MED23: variants seen among roughly 807,000 people sequenced by gnomAD.
The protein encoded by MED23 is mediator complex subunit 23.
Under a neutral mutation model 163.9 loss-of-function variants are expected in MED23, and 105 were observed. The ratio of observed to expected loss-of-function variants is 0.64; its 90% CI spans 0.55 to 0.75. The LOEUF (loss-of-function observed/expected upper bound fraction) is 0.75, where lower values mean the gene tolerates loss of function less well. MED23 is among the 30% of genes least tolerant of loss of function. MED23 has a pLI of 0.00. For synonymous variants in MED23, 561 were observed against 565.6 expected (o/e 0.99, Z 0.12); for missense variants, 1,054 against 1,649.0 (o/e 0.64, Z 6.25).
At chr6:131,623,174 T>C (rs1777233493) in intron 5 of MED23, among the ~76,000 whole-genome samples, 177 bp downstream of exon 5, 2 of 151,966 alleles carry the variant, frequency 1.3e-5, no homozygotes, top group South Asian at 4.2e-4. Flanking sequence ...GGGAGGGGAG[T>C]AGCGGAGCCA....
intron 14 of MED23, among the ~76,000 whole-genome samples, 199 bp from the exon 15 acceptor site, chr6:131,604,519 G>A (rs552158401): frequency 3.3e-5 from 5 of 152,224 alleles, no homozygotes; most frequent in African/African-American, 4.8e-5. Context: ...TTTCTGTGGC[G>A]CTTTCAATAT....
At chr6:131,602,086 G>T in intron 17 of MED23, 132 bp downstream of exon 17, 1 of 959,776 alleles carries the variant, frequency 1.0e-6, no homozygotes. Flanking sequence ...AAATAGTGAA[G>T]ATATCAAAAC....
Position 131,587,815 on chromosome 6 carries a change from G to C in MED23, c.3971C>G (p.Ala1324Gly), listed in dbSNP as rs1774281628. Residue 1324 changes from alanine to glycine, a missense_variant, in exon 29 of 29, where the codon GCT becomes GGT. Physicochemically the swap from Ala to Gly is moderately conservative, Grantham distance 60. This residue lies in a region of MED23 where 362 missense variants were observed against 471.6 expected (regional missense o/e 0.77). Coordinates refer to ENST00000368068, the MANE Select transcript of MED23 (RefSeq NM_004830.4). Reference protein sequence around the residue: ...VEKIICNLKPALKLRLRFITH... With the variant: ...VEKIICNLKPGLKLRLRFITH... ...GATGAATCGAAGACGAAGTTTTAAA[G>C]CTGGTTTTAAGTTACAGATAATCTT... 1.2e-6 allele frequency: 2 copies of C among 1,613,884 alleles called. No homozygotes were observed. Among genetic ancestry groups the C allele is most frequent in the Non-Finnish European group, 1.7e-6 (2 of 1,179,840 alleles).
At chr6:131,609,953 G>C in intron 11 of MED23, 93 bp downstream of exon 11, 1 of 1,225,102 alleles carries the variant, frequency 8.2e-7, no homozygotes, top group Non-Finnish European at 1.2e-6. Flanking sequence ...CAGAACTTCT[G>C]TCAGTTCTAA....
chr6:131,593,163 C>T lies in MED23; in HGVS notation c.3241G>A (p.Gly1081Ser). The T allele has an allele frequency of 6.2e-7, 1 of 1,614,144 alleles. No homozygotes were observed. Among genetic ancestry groups the T allele is most frequent in the Non-Finnish European group, 8.5e-7 (1 of 1,180,004 alleles). The change falls in exon 24 of 29, where the codon GGC becomes AGC. Residue 1081 changes from glycine (G) to serine (S), a missense_variant. This residue lies in a region of MED23 where 362 missense variants were observed against 471.6 expected (regional missense o/e 0.77). Coordinates refer to ENST00000368068, the MANE Select transcript of MED23 (RefSeq NM_004830.4). Reference protein sequence around the residue: ...LIGRLVDTMAGKSPGPFPNCD... With the variant: ...LIGRLVDTMASKSPGPFPNCD... ...TTTGGAAAGGGACCAGGAGATTTGC[C>T]AGCCATCGGTGCACACAGTTAAAGC...
rs149250652 is a variant in MED23, at chr6:131,613,195, C to A, written c.876+2712G>T. On this transcript the variant is annotated intron_variant, in intron 10 of 28. Transcript: ENST00000368068. The stretch of plus-strand genomic sequence containing the variant: ...TAGTAGCCAGGGTTCACACACCACA[C>A]TATGTAAGAGCTTGAGGAGTGTATC... 1.5e-3 allele frequency among the ~76,000 whole-genome samples: 235 copies of A among 152,206 alleles called. 4 individuals are homozygous for A. The highest frequency in any genetic ancestry group is 2.9e-4 in the Non-Finnish European group (20 of 67,958).
intron 9 of MED23, among the ~76,000 whole-genome samples, chr6:131,616,804 G>C (rs1168292229): frequency 2.6e-5 from 4 of 152,190 alleles, no homozygotes; most frequent in African/African-American, 4.8e-5. Context: ...CTGGGTGACA[G>C]AGTGAGAGCC....
chr6:131,627,914 G>C, intron 1 of MED23, 97 bp downstream of exon 1: 2 of 1,468,480 alleles, frequency 1.4e-6, no homozygotes, highest in Admixed American at 1.7e-5. Flanking sequence ...AAAGGGAGGC[G>C]TGAGAGGAGG....
intron 14 of MED23, 94 bp downstream of exon 14, chr6:131,605,146 T>G: frequency 7.4e-7 from 1 of 1,358,272 alleles, no homozygotes; most frequent in Non-Finnish European, 1.0e-6. Context: ...TACCTGACTA[T>G]GAAATAATAC....
intron 10 of MED23, among the ~76,000 whole-genome samples, chr6:131,614,103 A>C (rs1473634976): frequency 6.6e-6 from 1 of 152,206 alleles, no homozygotes; most frequent in Non-Finnish European, 1.5e-5. Context: ...AGAATTAATG[A>C]CTTGGTATTT....
chr6:131,583,680 C>A, downstream of MED23: 1 of 1,571,128 alleles, frequency 6.4e-7, no homozygotes, highest in South Asian at 1.1e-5. Flanking sequence ...TCAAGTCTGT[C>A]TGTACTACTT....
intron 22 of MED23, 52 bp from the exon 23 acceptor site, chr6:131,594,387 G>T: frequency 2.2e-6 from 3 of 1,338,456 alleles, no homozygotes; most frequent in Non-Finnish European, 3.2e-6. Flanking sequence ...ACTAATAACT[G>T]TGAAAAACTG....
At chr6:131,580,696 G>A (rs1048389963) in intron 30 of MED23, among the ~76,000 whole-genome samples, 2 of 152,174 alleles carry the variant, frequency 1.3e-5, no homozygotes, top group Non-Finnish European at 2.9e-5. Flanking sequence ...CACGCCATAC[G>A]CTGGCTGAAG....
At chr6:131,600,973 G>A (rs1775430417) in intron 17 of MED23, among the ~76,000 whole-genome samples, 2 of 151,938 alleles carry the variant, frequency 1.3e-5, no homozygotes, top group South Asian at 4.2e-4. Flanking sequence ...CAAGTTTGAT[G>A]GGTGTCTTGA....
At chr6:131,622,073 G>C (rs530108833) in intron 5 of MED23, 94 bp from the exon 6 acceptor site, 27 of 814,186 alleles carry the variant, frequency 3.3e-5, no homozygotes, top group African/African-American at 2.2e-4. Context: ...ATTCCTTCAA[G>C]GTCACACCTT....
Position 131,618,408 on chromosome 6 carries a change from T to C in MED23, c.779A>G (p.Lys260Arg). 6.2e-7 allele frequency: 1 copy of C among 1,607,216 alleles called. No individual in the cohort carries two copies. Among genetic ancestry groups the C allele is most frequent in the Non-Finnish European group, 8.5e-7 (1 of 1,173,886 alleles). The change falls in exon 9 of 29, where the codon AAG becomes AGG. Residue 260 changes from lysine (K) to arginine (R), a missense_variant and splice_region_variant. By Grantham distance (26) the Lys-to-Arg change is conservative (BLOSUM62 2). Around this residue, in one of 11 missense-constraint regions of MED23, gnomAD observed 54 missense variants for 79.7 expected, o/e 0.68. Transcript: ENST00000368068. The part of the protein sequence containing the change: ...FPLKGLLPYD[K>R]DLFEPQTALL... ...GTGCCATTATATTTAGCAACATACC[T>C]TATCATATGGCAAAAGGCCTTTCAA...
At chr6:131,602,616 C>T (rs1225930602) in intron 16 of MED23, among the ~76,000 whole-genome samples, 1 of 152,028 alleles carries the variant, frequency 6.6e-6, no homozygotes, top group African/African-American at 2.4e-5. Flanking sequence ...GCCTATAGGA[C>T]TAAAAAATTT....
downstream of MED23, chr6:131,583,315 C>T (rs747875285): frequency 3.1e-6 from 5 of 1,613,612 alleles, no homozygotes; most frequent in South Asian, 1.1e-5. Context: ...AATGTGAAGC[C>T]ATCAACCTTA....
chr6:131,590,464 C>T, intron 26 of MED23, 22 bp from the exon 27 acceptor site: 1 of 1,561,566 alleles, frequency 6.4e-7, no homozygotes, highest in Non-Finnish European at 8.8e-7. Flanking sequence ...AGATAAAAAT[C>T]TCCTGTGACT....
Sources: gnomAD v4.1 joint callset for allele counts (sites outside exome capture counted in the v4.1 genomes callset) on GRCh38, gnomAD v4.1.1 for gene constraint, gnomAD v4.1.1 regional missense constraint, MANE v1.5 for transcripts, NCBI Gene and HGNC (gene_info 2026-07-23, HGNC 2026-07-21) for gene names.